The following TMC5 variants were observed in gnomAD, a reference collection of about 807,000 sequenced individuals.
TMC5 encodes transmembrane channel-like protein 5.
In TMC5, 86 loss-of-function variants were observed where a neutral mutation model predicts 110.5. That is an observed-to-expected ratio of 0.78 (90% CI 0.65 to 0.93). The LOEUF (loss-of-function observed/expected upper bound fraction) is 0.93. Ranked by LOEUF, TMC5 falls within the 40% of genes least tolerant of loss-of-function variation. The pLI is 0.00. For missense variants in TMC5, 1,144 were observed against 1,222.8 expected, an observed-to-expected ratio of 0.94 and a Z score of 0.96; for synonymous variants, 455 against 439.5, an observed-to-expected ratio of 1.04 and a Z score of -0.44.
At chr16:19,487,521 G>GT (rs1968777564) in intron 17 of TMC5, among the ~76,000 whole-genome samples, 195 bp downstream of exon 17, 3 of 152,076 alleles carry the variant, frequency 2.0e-5, no homozygotes, top group Admixed American at 6.6e-5. Context: ...GGCCAACATG[G>GT]TGAAACCCTG....
chr16:19,422,209 C>A (rs1239066527), intron 1 of TMC5, among the ~76,000 whole-genome samples: 2 of 145,538 alleles, frequency 1.4e-5, no homozygotes, highest in African/African-American at 5.2e-5. Context: ...CCAGCCCGGG[C>A]AACAGAGCTA....
At chr16:19,424,405 C>T (rs973780086) in intron 1 of TMC5, among the ~76,000 whole-genome samples, 16 of 152,088 alleles carry the variant, frequency 1.1e-4, no homozygotes, top group African/African-American at 3.9e-4. Context: ...AATCCCAGCC[C>T]TTTGGGAGGC....
At chr16:19,497,859 C>A in intron 21 of TMC5, 61 bp from the exon 22 acceptor site, 2 of 1,524,634 alleles carry the variant, frequency 1.3e-6, no homozygotes, top group Non-Finnish European at 1.8e-6. Context: ...GCTGGTCTTT[C>A]CCTTGTAGAG....
At chr16:19,433,305 T>C (rs28576302) in intron 2 of TMC5, among the ~76,000 whole-genome samples, 25,509 of 152,218 alleles carry the variant, frequency 0.17, 4,771 homozygotes, top group African/African-American at 0.46. Flanking sequence ...CTGGTTCCCA[T>C]GGCAGTGGAA....
At chr16:19,427,893 C>T (rs1159031902) in intron 1 of TMC5, among the ~76,000 whole-genome samples, 6 of 152,180 alleles carry the variant, frequency 3.9e-5, no homozygotes, top group African/African-American at 1.2e-4. Context: ...CCGCACACTG[C>T]GTACTTCAAA....
chr16:19,452,200 T>C (rs1001247485), intron 5 of TMC5, among the ~76,000 whole-genome samples: 4 of 152,228 alleles, frequency 2.6e-5, no homozygotes, highest in South Asian at 2.1e-4. Context: ...GGGAAACTTA[T>C]GTTTACTGGC....
In TMC5 at chr16:19,444,308, AG is replaced by A. The variant is rs1449827077; in HGVS notation, c.958+62del. The A allele has an allele frequency of 7.9e-6, 12 of 1,524,538 alleles. No individual in the cohort carries two copies. In the East Asian group the frequency reaches 2.7e-4, roughly 35 times the overall value. 94.4% of individuals were successfully genotyped at this position (1,524,538 alleles called of 1,614,324 possible). Reference sequence around the variant, plus strand: ...GGAAAAAACTGAAATCACTGGATTTAGGGGTGCAATCATTAAGGAGACTTGG... The same window carrying A: ...GGAAAAAACTGAAATCACTGGATTTAGGGTGCAATCATTAAGGAGACTTGG... On this transcript the variant is annotated intron_variant, in intron 4 of 21. Coordinates refer to ENST00000542583, the MANE Select transcript of TMC5 (RefSeq NM_001261841.2).
At chr16:19,473,345 C>CAAAAAAAAAAAAAAAAAA (rs35872301) in intron 11 of TMC5, among the ~76,000 whole-genome samples, 3 of 20,240 alleles carry the variant, frequency 1.5e-4, no homozygotes, top group African/African-American at 2.0e-4. Context: ...GACTCCGGCT[C>CAAAAAAAAAAAAAAAAAA]AAAAAAAAAA....
intron 1 of TMC5, among the ~76,000 whole-genome samples, chr16:19,419,635 AT>A (rs1307605225): frequency 1.3e-5 from 2 of 151,488 alleles, no homozygotes; most frequent in East Asian, 3.9e-4. Context: ...GATGGTCTGA[AT>A]CTCCTGACCT....
intron 2 of TMC5, among the ~76,000 whole-genome samples, chr16:19,430,841 A>G (rs1477897045): frequency 7.0e-6 from 1 of 142,830 alleles, no homozygotes; most frequent in African/African-American, 2.6e-5. Context: ...CCTTCTCTCC[A>G]CTCTCTGCAA....
Position 19,472,166 on chromosome 16 carries a change from G to T in TMC5, c.1861G>T (p.Val621Leu), listed in dbSNP as rs1241620498. ...GCTGACCCGCTTCTCTGCCTACATG[G>T]TAGCCTGGGTTGTCTCTACAGGAGT... ...QLLTRFSAYMVAWVVSTGVAI... is the reference protein window; with the variant it reads ...QLLTRFSAYMLAWVVSTGVAI... Residue 621 changes from valine (V) to leucine (L), a missense_variant, in exon 11 of 22, where the codon GTA (valine) becomes TTA (leucine). By Grantham distance (32) the Val-to-Leu change is conservative (BLOSUM62 1). Transcript: ENST00000542583. 1.2e-6 allele frequency: 2 copies of T among 1,614,190 alleles called. No homozygotes were observed. Among genetic ancestry groups the T allele is most frequent in the Non-Finnish European group, 1.7e-6 (2 of 1,180,034 alleles).
intron 15 of TMC5, among the ~76,000 whole-genome samples, chr16:19,485,848 GGA>G (rs1469013803): frequency 6.6e-6 from 1 of 152,196 alleles, no homozygotes; most frequent in Non-Finnish European, 1.5e-5. Flanking sequence ...GAGCACCGCG[GGA>G]GAGTTGTAAA....
chr16:19,456,241 T>C (rs1395705665), intron 5 of TMC5, among the ~76,000 whole-genome samples: 1 of 147,968 alleles, frequency 6.8e-6, no homozygotes, highest in Non-Finnish European at 1.5e-5. Flanking sequence ...ACATTTAGAA[T>C]ATATATATGT....
chr16:19,434,373 GATCTATATATAATATAGATATA>G (rs1362819188), intron 2 of TMC5, among the ~76,000 whole-genome samples: 94 of 61,456 alleles, frequency 1.5e-3, no homozygotes, highest in African/African-American at 5.1e-3. Context: ...ATATAATATA[GATCTATATATAATATAGATATA>G]ATATATATAT....
At chr16:19,462,533 C>A in intron 6 of TMC5, 1 of 702,006 alleles carries the variant, frequency 1.4e-6, no homozygotes, top group Non-Finnish European at 2.6e-6. Context: ...CGACAGAGGA[C>A]GAAGGAAGAG....
rs763661327 is a variant in TMC5 at position 19,477,459 on chromosome 16, T to C, written c.2110T>C (p.Ser704Pro). ...LLIRNIFLKISIIGILCYYWL... is the reference protein window; with the variant it reads ...LLIRNIFLKIPIIGILCYYWL... ...GTTTAGAAACATCTTTTTGAAAATA[T>C]CAATCATTGGCATTCTTTGTTACTA... The change falls in exon 13 of 22, where the codon TCA (serine) becomes CCA (proline). Residue 704 changes from serine to proline, a missense_variant. Ser to Pro is a moderately conservative substitution (Grantham distance 74, BLOSUM62 -1). Coordinates refer to ENST00000542583, the MANE Select transcript of TMC5 (RefSeq NM_001261841.2). The C allele has an allele frequency of 1.2e-6, 2 of 1,612,818 alleles. No individual in the cohort carries two copies. Among genetic ancestry groups the C allele is most frequent in the Admixed American group, 3.3e-5 (2 of 59,908 alleles).
rs776118015 is a variant in TMC5, at chr16:19,486,970, C to A, written c.2389C>A (p.Leu797Met). 4 of 1,614,114 alleles carry A rather than the reference C, an allele frequency of 2.5e-6. No individual in the cohort carries two copies. In the South Asian group the frequency reaches 4.4e-5, roughly 18 times the overall value. The change falls in exon 16 of 22, where the codon CTG (leucine) becomes ATG (methionine). Residue 797 changes from leucine (L) to methionine (M), a missense_variant. Transcript: ENST00000542583. Reference protein sequence around the residue: ...VWIGIFFCPLLPFIQMIMLFI... With the variant: ...VWIGIFFCPLMPFIQMIMLFI... ...GATTGGCATCTTCTTCTGCCCCCTGCTGCCCTTTATCCAAATGATTATGCT... is the reference window on the plus strand; with the variant it reads ...GATTGGCATCTTCTTCTGCCCCCTGATGCCCTTTATCCAAATGATTATGCT...
intron 18 of TMC5, among the ~76,000 whole-genome samples, chr16:19,491,863 T>C (rs779846504): frequency 1.3e-5 from 2 of 152,116 alleles, no homozygotes; most frequent in Non-Finnish European, 2.9e-5. Flanking sequence ...TTTTAACTTA[T>C]TCTATTAAGA....
Position 19,479,455 on chromosome 16 carries a change from G to T in TMC5, c.2194G>T (p.Asp732Tyr), listed in dbSNP as rs1475027717. The T allele has an allele frequency of 1.2e-6, 2 of 1,613,934 alleles. No individual in the cohort carries two copies. The highest frequency in any genetic ancestry group is 1.7e-6 in the Non-Finnish European group (2 of 1,179,968). Residue 732 changes from aspartate (D) to tyrosine (Y), a missense_variant, in exon 14 of 22, where the codon GAC (aspartate) becomes TAC (tyrosine). Transcript: ENST00000542583. ...EECWETLIGQ[D>Y]IYRLLLMDFV... is the part of the protein sequence containing the mutation. ...GTGTTGGGAAACCCTCATTGGCCAGGACATCTACCGGCTCCTTCTGATGGA... is the reference window on the plus strand; with the variant it reads ...GTGTTGGGAAACCCTCATTGGCCAGTACATCTACCGGCTCCTTCTGATGGA...
Sources: allele counts gnomAD v4.1 joint callset (sites outside exome capture counted in the v4.1 genomes callset), GRCh38; gene constraint gnomAD v4.1.1; transcripts MANE v1.5; gene names NCBI Gene and HGNC (gene_info 2026-07-23, HGNC 2026-07-21).